Variants in ITGAV observed in about 807,000 individuals in gnomAD.
ITGAV encodes integrin alpha-V.
ITGAV carries 76 observed loss-of-function variants against 143.8 expected under a neutral mutation model. The ratio of observed to expected loss-of-function variants is 0.53; its 90% CI spans 0.44 to 0.64. ITGAV has a LOEUF of 0.64. Ranked by LOEUF, ITGAV falls within the 30% of genes least tolerant of loss-of-function variation. The pLI, the probability that ITGAV is intolerant of heterozygous loss-of-function variation, is 0.00. For missense variants in ITGAV, 1,193 were observed against 1,274.7 expected, an observed-to-expected ratio of 0.94 and a Z score of 0.98; for synonymous variants, 453 against 446.7, an observed-to-expected ratio of 1.01 and a Z score of -0.18.
chr2:186,612,692 C>T (rs1289870019), intron 2 of ITGAV, among the ~76,000 whole-genome samples: 2 of 152,094 alleles, frequency 1.3e-5, no homozygotes, highest in Non-Finnish European at 1.5e-5. Flanking sequence ...ATTTCCATCT[C>T]GTTGCAATTA....
At chr2:186,611,434 C>T (rs115265551) in intron 2 of ITGAV, among the ~76,000 whole-genome samples, 267 of 152,096 alleles carry the variant, frequency 1.8e-3, no homozygotes, top group African/African-American at 5.7e-3. Flanking sequence ...CTATGTTAGA[C>T]CAGGCTGGTC....
intron 2 of ITGAV, among the ~76,000 whole-genome samples, chr2:186,612,292 C>G (rs1204658840): frequency 6.6e-6 from 1 of 151,758 alleles, no homozygotes; most frequent in Non-Finnish European, 1.5e-5. Flanking sequence ...TGCTAATGTA[C>G]ATTGAGAAAA....
At chr2:186,594,233 C>A (rs1686688053) in intron 1 of ITGAV, among the ~76,000 whole-genome samples, 2 of 152,318 alleles carry the variant, frequency 1.3e-5, no homozygotes, top group South Asian at 4.1e-4. Context: ...TGTCTTAACT[C>A]AATTTGACTA....
chr2:186,674,335 G>T (rs1169797764), intron 26 of ITGAV, among the ~76,000 whole-genome samples: 2 of 151,988 alleles, frequency 1.3e-5, no homozygotes, highest in Non-Finnish European at 2.9e-5. Context: ...CTTATTGATA[G>T]TATACTGAAA....
intron 18 of ITGAV, among the ~76,000 whole-genome samples, chr2:186,661,860 GC>G (rs1688756188): frequency 6.6e-6 from 1 of 152,080 alleles, no homozygotes; most frequent in South Asian, 2.1e-4. Flanking sequence ...CTCCCAAAGT[GC>G]TGAGATTACA....
At chr2:186,653,333 G>A (rs1688495281) in intron 15 of ITGAV, among the ~76,000 whole-genome samples, 1 of 151,902 alleles carries the variant, frequency 6.6e-6, no homozygotes, top group East Asian at 1.9e-4. Context: ...GAAAAATCTT[G>A]ACCCATATAC....
At chr2:186,640,505 A>G (rs1455285956) in intron 10 of ITGAV, among the ~76,000 whole-genome samples, 1 of 152,112 alleles carries the variant, frequency 6.6e-6, no homozygotes, top group Admixed American at 6.5e-5. Context: ...TCCATATAAA[A>G]CTTGTTGGGT....
At chr2:186,671,611 TTTAA>T (rs904353978) in intron 26 of ITGAV, among the ~76,000 whole-genome samples, 3 of 152,196 alleles carry the variant, frequency 2.0e-5, no homozygotes, top group South Asian at 2.1e-4. Context: ...ATCTGTTTTC[TTTAA>T]TTGAGACAAA....
chr2:186,676,740 T>C (rs1689220800), intron 28 of ITGAV, 73 bp from the exon 29 acceptor site: 1 of 1,434,336 alleles, frequency 7.0e-7, no homozygotes, highest in South Asian at 1.3e-5. Context: ...AAATAAAATA[T>C]AATATTTACT....
intron 16 of ITGAV, among the ~76,000 whole-genome samples, chr2:186,655,341 A>C (rs1688553176): frequency 6.6e-6 from 1 of 152,156 alleles, no homozygotes; most frequent in African/African-American, 2.4e-5. Context: ...AAGTTTACAT[A>C]GGGCAGCCAA....
At chr2:186,630,750 GTTGT>G in intron 4 of ITGAV, 43 bp from the exon 5 acceptor site, 1 of 1,008,974 alleles carries the variant, frequency 9.9e-7, no homozygotes, top group Non-Finnish European at 1.6e-6. Context: ...TTTGTTTTGT[GTTGT>G]TTGTTTTTGG....
intron 26 of ITGAV, among the ~76,000 whole-genome samples, chr2:186,674,960 C>T (rs1689168079): frequency 6.6e-6 from 1 of 152,148 alleles, no homozygotes; most frequent in South Asian, 2.1e-4. Flanking sequence ...AATGCCCTTT[C>T]TCAGGTCAAG....
At chr2:186,654,771 A>C (rs889768602) in intron 16 of ITGAV, 63 bp downstream of exon 16, 2 of 684,296 alleles carry the variant, frequency 2.9e-6, no homozygotes, top group Admixed American at 2.6e-5. Flanking sequence ...CTTAAAAAAT[A>C]TTTTAAGATA....
Position 186,668,878 on chromosome 2 carries a change from G to T in ITGAV, c.2550G>T (p.Met850Ile). The change falls in exon 25 of 30, where the codon ATG (methionine) becomes ATT (isoleucine). Residue 850 changes from methionine to isoleucine, a missense_variant. Physicochemically the swap from Met to Ile is conservative, Grantham distance 10. Transcript: ENST00000261023. ...YILHYDIDGP[M>I]NCTSDMEINP... ...TTCATTATGATATTGATGGACCAATGAACTGCACTTCAGATATGGAGATCA... is the reference window on the plus strand; with the variant it reads ...TTCATTATGATATTGATGGACCAATTAACTGCACTTCAGATATGGAGATCA... 1 of 1,612,812 alleles carries T rather than the reference G, an allele frequency of 6.2e-7. No homozygotes were observed. Among genetic ancestry groups the T allele is most frequent in the South Asian group, 1.1e-5 (1 of 90,710 alleles).
At chr2:186,609,951 A>G (rs148865605) in intron 2 of ITGAV, among the ~76,000 whole-genome samples, 1 of 152,252 alleles carries the variant, frequency 6.6e-6, no homozygotes, top group East Asian at 1.9e-4. Context: ...TAAATTTACC[A>G]TTAAATCTTA....
At chr2:186,663,474 T>C (rs762130880) in intron 18 of ITGAV, among the ~76,000 whole-genome samples, 12 of 152,212 alleles carry the variant, frequency 7.9e-5, no homozygotes. Flanking sequence ...ACACCAGTCT[T>C]CATTCAAATA....
chr2:186,657,402 A>C (rs1229049488), intron 17 of ITGAV, among the ~76,000 whole-genome samples: 1 of 152,210 alleles, frequency 6.6e-6, no homozygotes, highest in Non-Finnish European at 1.5e-5. Context: ...AATTTTATAG[A>C]ATACATACTA....
At chr2:186,641,004 T>G in intron 11 of ITGAV, 37 bp downstream of exon 11, 2 of 1,461,152 alleles carry the variant, frequency 1.4e-6, no homozygotes, top group Non-Finnish European at 1.9e-6. Context: ...AAAGTTATCT[T>G]CTCATGTTTA....
chr2:186,635,538 A>G (rs1455438704), intron 6 of ITGAV, among the ~76,000 whole-genome samples: 1 of 152,216 alleles, frequency 6.6e-6, no homozygotes, highest in Non-Finnish European at 1.5e-5. Context: ...TTGTGGAGAC[A>G]ACACTTGATA....
Sources: gnomAD v4.1 joint callset for allele counts (sites outside exome capture counted in the v4.1 genomes callset) on GRCh38, gnomAD v4.1.1 for gene constraint, MANE v1.5 for transcripts, NCBI Gene and HGNC (gene_info 2026-07-23, HGNC 2026-07-21) for gene names.